Variants in CATSPERE observed in about 807,000 individuals in gnomAD.
CATSPERE encodes catsper channel auxiliary subunit epsilon.
In CATSPERE, 93 loss-of-function variants were observed where a neutral mutation model predicts 114.1. The observed-to-expected ratio is 0.81, with a 90% CI of 0.69 to 0.97. The LOEUF (loss-of-function observed/expected upper bound fraction) is 0.97, where lower values mean the gene tolerates loss of function less well. Among genes scored for constraint, CATSPERE ranks in the 50% least tolerant of loss-of-function variants. The pLI, the probability that CATSPERE is intolerant of heterozygous loss-of-function variation, is 0.00. For synonymous variants in CATSPERE, 341 were observed against 384.1 expected (o/e 0.89, Z 1.31); for missense variants, 1,058 against 1,131.6 (o/e 0.93, Z 0.93).
chr1:244,477,979 A>G lies in CATSPERE; in HGVS notation c.258+4A>G, dbSNP rs1257230397. 2.5e-6 allele frequency: 4 copies of G among 1,576,530 alleles called. No homozygotes were observed. On this transcript the variant is annotated splice_donor_region_variant and intron_variant, in intron 4 of 21. Coordinates refer to ENST00000366534, the MANE Select transcript of CATSPERE (RefSeq NM_001130957.2). ...AAAACCAATTGTTACTGGCCCAGTAAGTTGTTTTAATGATATGTTATTAAA... is the reference window on the plus strand; with the variant it reads ...AAAACCAATTGTTACTGGCCCAGTAGGTTGTTTTAATGATATGTTATTAAA...
intron 6 of CATSPERE, among the ~76,000 whole-genome samples, chr1:244,492,316 G>T (rs1323115960): frequency 1.3e-5 from 2 of 152,016 alleles, no homozygotes; most frequent in Non-Finnish European, 2.9e-5. Context: ...ATGTAATCCA[G>T]CATATAAACA....
Position 244,552,672 on chromosome 1 carries a change from G to A in CATSPERE, c.887G>A (p.Gly296Glu). The A allele has an allele frequency of 3.7e-6, 6 of 1,614,128 alleles. No homozygotes were observed. Among genetic ancestry groups the A allele is most frequent in the Non-Finnish European group, 5.1e-6 (6 of 1,180,026 alleles). ...SVAHVILSRD[G>E]IVFLINGVLY... Reference sequence around the variant, plus strand: ...GCTCATGTGATCTTATCGCGGGATGGAATCGTTTTTCTTATAAATGGTGTT... The same window carrying A: ...GCTCATGTGATCTTATCGCGGGATGAAATCGTTTTTCTTATAAATGGTGTT... Residue 296 changes from glycine to glutamate, a missense_variant, in exon 9 of 22, where the codon GGA becomes GAA. This residue lies in a region of CATSPERE where 787 missense variants were observed against 905.6 expected (regional missense o/e 0.87). Transcript: ENST00000366534.
At chr1:244,580,127 C>T (rs1665944596) in intron 11 of CATSPERE, among the ~76,000 whole-genome samples, 1 of 152,032 alleles carries the variant, frequency 6.6e-6, no homozygotes, top group South Asian at 2.1e-4. Flanking sequence ...ACCTCTGCTC[C>T]CTGGGTTCAA....
At chr1:244,631,426 A>G (rs900721827) in intron 20 of CATSPERE, among the ~76,000 whole-genome samples, 3 of 152,254 alleles carry the variant, frequency 2.0e-5, no homozygotes, top group African/African-American at 7.2e-5. Flanking sequence ...CACCAGTGGT[A>G]TGATCCATGA....
intron 8 of CATSPERE, among the ~76,000 whole-genome samples, chr1:244,534,987 TA>T (rs894380079): frequency 6.3e-4 from 96 of 152,232 alleles, no homozygotes; most frequent in African/African-American, 2.2e-3. Context: ...ATATCTGCAT[TA>T]GGGGGCACCC....
intron 8 of CATSPERE, among the ~76,000 whole-genome samples, chr1:244,533,101 A>G (rs1480380528): frequency 1.3e-5 from 2 of 152,120 alleles, no homozygotes; most frequent in Non-Finnish European, 2.9e-5. Context: ...CTTTATCATT[A>G]TGTAATAACC....
intron 10 of CATSPERE, among the ~76,000 whole-genome samples, chr1:244,561,915 G>C (rs1662620901): frequency 6.6e-6 from 1 of 152,026 alleles, no homozygotes; most frequent in Admixed American, 6.6e-5. Flanking sequence ...ACTTTGGAAG[G>C]CCAAGGTGGG....
At chr1:244,511,883 G>T (rs893119734) in intron 7 of CATSPERE, among the ~76,000 whole-genome samples, 2 of 152,124 alleles carry the variant, frequency 1.3e-5, no homozygotes, top group Non-Finnish European at 2.9e-5. Flanking sequence ...TGGCCTATTA[G>T]GTTTCTGCTG....
intron 10 of CATSPERE, among the ~76,000 whole-genome samples, chr1:244,569,318 T>A (rs1256474111): frequency 1.3e-5 from 2 of 152,218 alleles, no homozygotes; most frequent in African/African-American, 4.8e-5. Flanking sequence ...AATGCAGAAA[T>A]CACCCGCCTT....
intron 11 of CATSPERE, 34 bp downstream of exon 11, chr1:244,572,806 T>G (rs1408064964): frequency 7.3e-7 from 1 of 1,376,818 alleles, no homozygotes; most frequent in Non-Finnish European, 9.8e-7. Context: ...TCATTTGATT[T>G]TAATAAGTAT....
At chr1:244,605,425 A>G (rs915109327) in intron 17 of CATSPERE, among the ~76,000 whole-genome samples, 1 of 152,202 alleles carries the variant, frequency 6.6e-6, no homozygotes, top group African/African-American at 2.4e-5. Context: ...CTTCATTACT[A>G]TCAGGTTTTA....
rs372084741 is a variant in CATSPERE, at chr1:244,496,186, G to A, written c.352-2816G>A. ...ACTAAACAATTAAGACCTCCAGGCA[G>A]ATAGTAAAGGACACAAAACACCTTT... On this transcript the variant is annotated intron_variant, in intron 6 of 21. Coordinates refer to ENST00000366534, the MANE Select transcript of CATSPERE (RefSeq NM_001130957.2). Among the ~76,000 whole-genome samples, 505 of 152,310 alleles carry A rather than the reference G, an allele frequency of 3.3e-3. 1 individual carries two copies. Among genetic ancestry groups the A allele is most frequent in the Middle Eastern group, 6.8e-3 (2 of 294 alleles).
chr1:244,519,744 G>A (rs1572526952), intron 8 of CATSPERE, among the ~76,000 whole-genome samples: 1 of 152,264 alleles, frequency 6.6e-6, no homozygotes, highest in East Asian at 1.9e-4. Flanking sequence ...ATGAATGGAT[G>A]GATGAATACA....
At chr1:244,634,642 A>T (rs1379601797) in intron 20 of CATSPERE, among the ~76,000 whole-genome samples, 1 of 152,224 alleles carries the variant, frequency 6.6e-6, no homozygotes, top group Non-Finnish European at 1.5e-5. Context: ...GGTCAACATG[A>T]TGGGCAGCAG....
chr1:244,612,452 A>G (rs1224933447), intron 19 of CATSPERE, among the ~76,000 whole-genome samples: 1 of 152,120 alleles, frequency 6.6e-6, no homozygotes, highest in Non-Finnish European at 1.5e-5. Flanking sequence ...TAGGGAAAAC[A>G]CTGAAGGACT....
chr1:244,453,886 G>A (rs993744592), upstream of CATSPERE, among the ~76,000 whole-genome samples: 5 of 152,086 alleles, frequency 3.3e-5, no homozygotes, highest in Non-Finnish European at 7.4e-5. Flanking sequence ...GCTCCTGGGG[G>A]GGTCTCATTT....
intron 11 of CATSPERE, among the ~76,000 whole-genome samples, 153 bp from the exon 12 acceptor site, chr1:244,581,643 A>C (rs1269421708): frequency 6.6e-6 from 1 of 152,192 alleles, no homozygotes; most frequent in African/African-American, 2.4e-5. Context: ...TCCACCAGTC[A>C]ATCTTGTTGA....
At position 244,621,181 on chromosome 1, in the gene CATSPERE, T is replaced by TTATATAAATATATCTATATATAA. The variant is rs576560764; in HGVS notation, c.2648+3501_2648+3502insAATATATCTATATATAATATATA. Among the ~76,000 whole-genome samples the TTATATAAATATATCTATATATAA allele has an allele frequency of 7.4e-4, 33 of 44,724 alleles. 2 individuals carry two copies. Among genetic ancestry groups the TTATATAAATATATCTATATATAA allele is most frequent in the Non-Finnish European group, 1.0e-3 (28 of 27,090 alleles). 29.3% of individuals were successfully genotyped at this position (44,724 alleles called of 152,430 possible). A position where few individuals can be genotyped will look rare whatever the true frequency, so the allele number is the denominator to read the frequency against. Reference sequence around the variant, plus strand: ...ATATATATATTATATATAGATATATTTATATAGATATATTTATATAGATAT... The same window carrying TTATATAAATATATCTATATATAA: ...ATATATATATTATATATAGATATATTTATATAAATATATCTATATATAATATATAGATATATTTATATAGATAT... On this transcript the variant is annotated intron_variant, in intron 20 of 21. Coordinates refer to ENST00000366534, the MANE Select transcript of CATSPERE (RefSeq NM_001130957.2).
At chr1:244,553,644 C>A (rs932365596) in intron 9 of CATSPERE, among the ~76,000 whole-genome samples, 1 of 142,218 alleles carries the variant, frequency 7.0e-6, no homozygotes. Flanking sequence ...CACACACACA[C>A]ATACATATAT....
Sources: gnomAD v4.1 joint callset for allele counts (sites outside exome capture counted in the v4.1 genomes callset) on GRCh38, gnomAD v4.1.1 for gene constraint, gnomAD v4.1.1 regional missense constraint, MANE v1.5 for transcripts, NCBI Gene and HGNC (gene_info 2026-07-23, HGNC 2026-07-21) for gene names.